WWC2: variants seen among roughly 807,000 people sequenced by gnomAD.
The protein encoded by WWC2 is WW and C2 domain containing 2.
A neutral mutation model predicts 138.5 loss-of-function variants in WWC2; 101 were observed. The ratio of observed to expected loss-of-function variants is 0.73; its 90% confidence interval spans 0.62 to 0.86. The LOEUF (loss-of-function observed/expected upper bound fraction) is 0.86, where lower values mean the gene tolerates loss of function less well. Ranked by LOEUF, WWC2 falls within the 40% of genes least tolerant of loss-of-function variation. The probability of loss-of-function intolerance (pLI) is 0.00; values close to 1 mark genes in which losing one functional copy is unlikely to be tolerated. For synonymous variants in WWC2, 558 were observed against 538.4 expected, an observed-to-expected ratio of 1.04 and a Z score of -0.50; for missense variants, 1,420 against 1,419.4, an observed-to-expected ratio of 1.00 and a Z score of -0.01.
chr4:183,245,348 C>T, intron 5 of WWC2, 68 bp from the exon 6 acceptor site: 1 of 1,349,714 alleles, frequency 7.4e-7, no homozygotes, highest in South Asian at 1.9e-5. Flanking sequence ...CAAACCACTT[C>T]CTACTCTCTG....
intron 1 of WWC2, among the ~76,000 whole-genome samples, chr4:183,168,973 C>T (rs749750224): frequency 5.9e-5 from 9 of 152,032 alleles, no homozygotes; most frequent in Non-Finnish European, 1.0e-4. Flanking sequence ...CTCAGCCTCC[C>T]GAGTAGCTGG....
chr4:183,209,511 A>T (rs1230563464), intron 4 of WWC2, among the ~76,000 whole-genome samples: 1 of 152,166 alleles, frequency 6.6e-6, no homozygotes, highest in East Asian at 1.9e-4. Flanking sequence ...TGCTGGGATT[A>T]TAGGTGTGAG....
chr4:183,256,408 G>A (rs778489490), intron 9 of WWC2, among the ~76,000 whole-genome samples: 8 of 152,252 alleles, frequency 5.3e-5, no homozygotes, highest in Admixed American at 2.6e-4. Context: ...GGGTTTTGCT[G>A]TTGCTATTAT....
intron 16 of WWC2, among the ~76,000 whole-genome samples, chr4:183,273,116 T>C (rs1353107143): frequency 6.6e-6 from 1 of 152,158 alleles, no homozygotes; most frequent in Non-Finnish European, 1.5e-5. Flanking sequence ...TATCTGTCTT[T>C]CTGATTCTGG....
chr4:183,259,448 CT>C (rs1393268034), intron 9 of WWC2, among the ~76,000 whole-genome samples, 190 bp from the exon 10 acceptor site: 2 of 152,194 alleles, frequency 1.3e-5, no homozygotes, highest in Non-Finnish European at 1.5e-5. Context: ...ATAACGCTCC[CT>C]CCCCATCCTT....
chr4:183,138,372 T>C (rs1378384499), intron 1 of WWC2, among the ~76,000 whole-genome samples: 3 of 152,200 alleles, frequency 2.0e-5, no homozygotes, highest in Admixed American at 6.5e-5. Context: ...CTCTTGAGTG[T>C]GGTTGTAGAT....
chr4:183,310,930 G>T (rs1411618430), intron 21 of WWC2, among the ~76,000 whole-genome samples: 1 of 148,406 alleles, frequency 6.7e-6, no homozygotes, highest in Non-Finnish European at 1.5e-5. Flanking sequence ...ACATATATAT[G>T]TACTCATTTA....
intron 16 of WWC2, among the ~76,000 whole-genome samples, 180 bp from the exon 17 acceptor site, chr4:183,280,596 T>G (rs1376769448): frequency 6.6e-6 from 1 of 152,150 alleles, no homozygotes; most frequent in Non-Finnish European, 1.5e-5. Context: ...TCTTCATTGC[T>G]TTAAAACATC....
chr4:183,106,113 A>C (rs1743348652), intron 1 of WWC2, among the ~76,000 whole-genome samples: 1 of 151,504 alleles, frequency 6.6e-6, no homozygotes, highest in Admixed American at 6.6e-5. Context: ...CCTCCCGAGT[A>C]GCTGGGATTA....
rs1001906961 is a variant in WWC2 at position 183,262,558 on chromosome 4, G to C, written c.1909+1026G>C. Among the ~76,000 whole-genome samples the C allele has an allele frequency of 1.2e-4, 18 of 152,350 alleles. 2 individuals are homozygous for C. Among genetic ancestry groups the C allele is most frequent in the Admixed American group, 7.8e-4 (12 of 15,308 alleles). ...TTCAAATACTGAAGAGCCAAGTGCT[G>C]TGCCCTGTCAGTGGCCTGGGCCTGT... On this transcript the variant is annotated intron_variant, in intron 11 of 22. Coordinates refer to ENST00000403733, the MANE Select transcript of WWC2 (RefSeq NM_024949.6).
chr4:183,222,691 C>A (rs554433846), intron 4 of WWC2, among the ~76,000 whole-genome samples: 1 of 152,062 alleles, frequency 6.6e-6, no homozygotes, highest in Non-Finnish European at 1.5e-5. Flanking sequence ...TGTGGCCAGG[C>A]GTGGTGGCTC....
rs183635250 is a variant in WWC2, at chr4:183,195,621, A to G, written c.241+1913A>G. Among the ~76,000 whole-genome samples the G allele has an allele frequency of 1.7e-4, 26 of 152,352 alleles. 1 individual carries two copies. The highest frequency in any genetic ancestry group is 9.1e-4 in the Admixed American group (14 of 15,306). On this transcript the variant is annotated intron_variant, in intron 2 of 22. Coordinates refer to ENST00000403733, the MANE Select transcript of WWC2 (RefSeq NM_024949.6). Reference sequence around the variant, plus strand: ...GATTCTTTTGTCTTAATGTATAAACACTGGAAACTCTCAAAACAAAACCAA... The same window carrying G: ...GATTCTTTTGTCTTAATGTATAAACGCTGGAAACTCTCAAAACAAAACCAA...
At chr4:183,126,232 C>T (rs956589902) in intron 1 of WWC2, among the ~76,000 whole-genome samples, 3 of 152,188 alleles carry the variant, frequency 2.0e-5, no homozygotes, top group Non-Finnish European at 4.4e-5. Flanking sequence ...CCACTGCTGA[C>T]AGAACTGGGT....
At chr4:183,188,636 C>A (rs969054874) in intron 1 of WWC2, among the ~76,000 whole-genome samples, 1 of 138,498 alleles carries the variant, frequency 7.2e-6, no homozygotes, top group Non-Finnish European at 1.5e-5. Context: ...CTCTCTCTTG[C>A]TCCTTTCTTT....
At chr4:183,176,740 G>T (rs546324870) in intron 1 of WWC2, among the ~76,000 whole-genome samples, 179 of 151,900 alleles carry the variant, frequency 1.2e-3, no homozygotes, top group Non-Finnish European at 2.2e-3. Context: ...TTTTATTTTT[G>T]TTTTTTTAAA....
chr4:183,201,441 C>T (rs918777252), intron 2 of WWC2, among the ~76,000 whole-genome samples: 6 of 152,122 alleles, frequency 3.9e-5, no homozygotes, highest in East Asian at 1.9e-4. Context: ...TGTGCCCGTC[C>T]GACTCAGGCC....
At chr4:183,243,831 A>C (rs573734504) in intron 5 of WWC2, among the ~76,000 whole-genome samples, 1 of 148,182 alleles carries the variant, frequency 6.7e-6, no homozygotes, top group Non-Finnish European at 1.5e-5. Context: ...GTACTTTATT[A>C]TCAGATGATC....
intron 16 of WWC2, among the ~76,000 whole-genome samples, chr4:183,271,820 A>T (rs1236074013): frequency 6.6e-6 from 1 of 152,162 alleles, no homozygotes; most frequent in Non-Finnish European, 1.5e-5. Context: ...CATGGGCAAC[A>T]TAGCAAGACC....
chr4:183,126,919 G>A (rs1732778627), intron 1 of WWC2, among the ~76,000 whole-genome samples: 1 of 136,492 alleles, frequency 7.3e-6, no homozygotes, highest in Non-Finnish European at 1.6e-5. Context: ...TTTTTTTAAA[G>A]AGAGATAGAG....
Sources: allele counts gnomAD v4.1 joint callset (sites outside exome capture counted in the v4.1 genomes callset), GRCh38; gene constraint gnomAD v4.1.1; transcripts MANE v1.5; gene names NCBI Gene and HGNC (gene_info 2026-07-23, HGNC 2026-07-21).